Variants in IL1RAPL1 observed in about 807,000 individuals in gnomAD.
The protein encoded by IL1RAPL1 is interleukin-1 receptor accessory protein-like 1.
A neutral mutation model predicts 48.4 loss-of-function variants in IL1RAPL1; 3 were observed. The observed-to-expected ratio is 0.06, with a 90% CI of 0.03 to 0.16. The LOEUF (loss-of-function observed/expected upper bound fraction) is 0.16. IL1RAPL1 is among the 10% of genes least tolerant of loss of function. The probability of loss-of-function intolerance (pLI) is 1.00; values close to 1 mark genes in which losing one functional copy is unlikely to be tolerated. For synonymous variants in IL1RAPL1, 185 were observed against 187.7 expected (o/e 0.99, Z 0.12); for missense variants, 349 against 530.6 (o/e 0.66, Z 3.36).
chrX:28,925,947 A>C (rs1275564949), intron 2 of IL1RAPL1, among the ~76,000 whole-genome samples: 1 of 111,768 alleles, frequency 8.9e-6, no homozygotes, highest in African/African-American at 3.3e-5. Flanking sequence ...GAACCAAAGG[A>C]CGTCTGTTTT....
At chrX:28,870,009 T>C (rs1922169518) in intron 2 of IL1RAPL1, among the ~76,000 whole-genome samples, 1 of 111,855 alleles carries the variant, frequency 8.9e-6, no homozygotes, top group Non-Finnish European at 1.9e-5. Context: ...TTTTCAAGAT[T>C]CATCCGTGGT....
chrX:28,877,620 C>T (rs1261154259), intron 2 of IL1RAPL1, among the ~76,000 whole-genome samples: 1 of 112,047 alleles, frequency 8.9e-6, no homozygotes, highest in East Asian at 2.8e-4. Flanking sequence ...CTTTAAAACA[C>T]TGTAATAAAA....
chrX:29,473,613 T>G (rs1166941141), intron 5 of IL1RAPL1, among the ~76,000 whole-genome samples: 2 of 49,960 alleles, frequency 4.0e-5, no homozygotes, highest in African/African-American at 1.7e-4. Context: ...CCACGACCCC[T>G]CAGAACACAG....
At chrX:28,993,918 T>C (rs1925670188) in intron 2 of IL1RAPL1, among the ~76,000 whole-genome samples, 1 of 111,658 alleles carries the variant, frequency 9.0e-6, no homozygotes, top group South Asian at 3.7e-4. Flanking sequence ...CCTTATGTAG[T>C]TTATTATTTT....
intron 2 of IL1RAPL1, among the ~76,000 whole-genome samples, chrX:29,115,501 T>C (rs1465128501): frequency 7.2e-5 from 8 of 111,290 alleles, no homozygotes; most frequent in Non-Finnish European, 1.5e-4. Flanking sequence ...TTTATTGTTA[T>C]GTAGTCTTTT....
At chrX:28,711,713 A>G (rs1476651675) in intron 1 of IL1RAPL1, among the ~76,000 whole-genome samples, 4 of 107,016 alleles carry the variant, frequency 3.7e-5, no homozygotes, top group East Asian at 2.9e-4. Flanking sequence ...CTTTTAATAT[A>G]TAACTGTATT....
At chrX:28,983,743 A>G (rs781005320) in intron 2 of IL1RAPL1, among the ~76,000 whole-genome samples, 143 of 112,098 alleles carry the variant, frequency 1.3e-3, no homozygotes, top group Non-Finnish European at 2.1e-3. Flanking sequence ...AGCTTTGACT[A>G]TACTTAAAAA....
intron 1 of IL1RAPL1, among the ~76,000 whole-genome samples, chrX:28,773,219 G>T (rs1439742292): frequency 9.0e-6 from 1 of 110,735 alleles, no homozygotes; most frequent in Non-Finnish European, 1.9e-5. Flanking sequence ...GACTACAGAT[G>T]TGCACCAGCA....
At chrX:29,646,993 G>T (rs1441682532) in intron 5 of IL1RAPL1, among the ~76,000 whole-genome samples, 1 of 112,089 alleles carries the variant, frequency 8.9e-6, no homozygotes, top group Non-Finnish European at 1.9e-5. Flanking sequence ...GAATGCTAGT[G>T]AGTAACACAA....
intron 8 of IL1RAPL1, among the ~76,000 whole-genome samples, chrX:29,924,449 A>G (rs1227603114): frequency 8.9e-6 from 1 of 112,467 alleles, no homozygotes; most frequent in African/African-American, 3.2e-5. Flanking sequence ...AGAACCTACT[A>G]TGTGCCTGGC....
At chrX:28,987,605 G>T (rs1188698397) in intron 2 of IL1RAPL1, among the ~76,000 whole-genome samples, 2 of 111,481 alleles carry the variant, frequency 1.8e-5, no homozygotes. Flanking sequence ...TCTTCCCAGG[G>T]AATATAGAAT....
chrX:29,282,339 C>A (rs370621669), intron 2 of IL1RAPL1, among the ~76,000 whole-genome samples: 3 of 112,186 alleles, frequency 2.7e-5, no homozygotes, highest in African/African-American at 9.7e-5. Context: ...TGGCAGAAAT[C>A]GCTAAGTTGC....
intron 1 of IL1RAPL1, among the ~76,000 whole-genome samples, chrX:28,640,642 C>T (rs978058888): frequency 3.4e-4 from 37 of 109,589 alleles, no homozygotes; most frequent in African/African-American, 1.1e-3. Context: ...TGAGCCACCC[C>T]GTCCAGCCAT....
chrX:28,725,289 T>G (rs1055555153), intron 1 of IL1RAPL1, among the ~76,000 whole-genome samples: 2 of 110,965 alleles, frequency 1.8e-5, no homozygotes, highest in Non-Finnish European at 3.8e-5. Context: ...CACATAAACA[T>G]TCACAAAGAA....
chrX:29,449,927 C>CA (rs1163489149), intron 5 of IL1RAPL1, among the ~76,000 whole-genome samples: 4,746 of 95,661 alleles, frequency 0.05, 126 homozygotes, highest in African/African-American at 0.092. Context: ...AAAAATGGAC[C>CA]AAAAAAAAAA....
intron 2 of IL1RAPL1, among the ~76,000 whole-genome samples, chrX:28,911,520 C>G (rs1923358522): frequency 9.0e-6 from 1 of 111,004 alleles, no homozygotes; most frequent in African/African-American, 3.3e-5. Flanking sequence ...AATTTTAGTT[C>G]AAATATCACT....
At chrX:28,811,598 T>C (rs1282149293) in intron 2 of IL1RAPL1, among the ~76,000 whole-genome samples, 1 of 110,694 alleles carries the variant, frequency 9.0e-6, no homozygotes, top group African/African-American at 3.3e-5. Context: ...GGTTGGTTAC[T>C]TGAGTTGTGG....
At chrX:29,403,899 C>T (rs952138841) in intron 5 of IL1RAPL1, among the ~76,000 whole-genome samples, 3 of 112,274 alleles carry the variant, frequency 2.7e-5, no homozygotes, top group South Asian at 7.2e-4. Context: ...ATGGTGTTTA[C>T]GTACAATTGT....
intron 6 of IL1RAPL1, among the ~76,000 whole-genome samples, chrX:29,806,727 A>G (rs745967316): frequency 4.5e-5 from 5 of 111,601 alleles, no homozygotes; most frequent in South Asian, 3.8e-4. Flanking sequence ...TAAAGAATAT[A>G]TATCTATTAG....
Sources: gnomAD v4.1 joint callset for allele counts (sites outside exome capture counted in the v4.1 genomes callset) on GRCh38, gnomAD v4.1.1 for gene constraint, MANE v1.5 for transcripts, NCBI Gene and HGNC (gene_info 2026-07-23, HGNC 2026-07-21) for gene names.